FGF14: variants seen among roughly 807,000 people sequenced by gnomAD.
FGF14 encodes the protein fibroblast growth factor 14.
Under a neutral mutation model 25.5 loss-of-function variants are expected in FGF14, and 5 were observed. The observed-to-expected ratio is 0.20, with a 90% CI of 0.10 to 0.41. The LOEUF (loss-of-function observed/expected upper bound fraction) is 0.41. Ranked by LOEUF, FGF14 falls within the 10% of genes least tolerant of loss-of-function variation. FGF14 has a pLI of 1.00. For synonymous variants in FGF14, 138 were observed against 118.3 expected (o/e 1.17, Z -1.08); for missense variants, 222 against 320.1 (o/e 0.69, Z 2.34).
chr13:101,859,236 AG>A (rs1178668751), intron 3 of FGF14, among the ~76,000 whole-genome samples: 31 of 152,138 alleles, frequency 2.0e-4, no homozygotes, highest in African/African-American at 7.2e-4. Context: ...TTAATCAAGA[AG>A]TACAGATTAA....
intron 1 of FGF14, among the ~76,000 whole-genome samples, chr13:102,147,679 G>T (rs2046910128): frequency 6.6e-6 from 1 of 152,124 alleles, no homozygotes; most frequent in African/African-American, 2.4e-5. Context: ...CAGCACAGAA[G>T]CCCAGAGTCC....
intron 1 of FGF14, among the ~76,000 whole-genome samples, chr13:101,911,690 AAAAAC>A (rs762855627): frequency 2.6e-5 from 4 of 152,112 alleles, no homozygotes; most frequent in Admixed American, 2.0e-4. Flanking sequence ...GTCCCTTGTT[AAAAAC>A]AAAACAAAAC....
Position 101,715,579 on chromosome 13 carries a change from C to A in FGF14, c.*7252G>T, listed in dbSNP as rs1202954519. 6.2e-7 allele frequency: 1 copy of A among 1,612,010 alleles called. No individual in the cohort carries two copies. Among genetic ancestry groups the A allele is most frequent in the Non-Finnish European group, 8.5e-7 (1 of 1,178,330 alleles). On this transcript the variant is annotated 3_prime_UTR_variant, in exon 5 of 5. Coordinates refer to ENST00000376143, the MANE Select transcript of FGF14 (RefSeq NM_004115.4). ...TTATTGCAGGGAATGGAATATGTAG[C>A]TGTGGAAACTGTGAATGCTGGGATG...
intron 1 of FGF14, among the ~76,000 whole-genome samples, chr13:102,125,672 A>C (rs1380508621): frequency 6.6e-6 from 1 of 152,176 alleles, no homozygotes; most frequent in South Asian, 2.1e-4. Flanking sequence ...TTTGACAAAG[A>C]AGTAAGCACT....
chr13:102,075,260 T>C (rs760814141), intron 1 of FGF14, among the ~76,000 whole-genome samples: 1 of 152,216 alleles, frequency 6.6e-6, no homozygotes, highest in Non-Finnish European at 1.5e-5. Context: ...ATCAGTAGAA[T>C]TTCTATATGC....
intron 1 of FGF14, among the ~76,000 whole-genome samples, chr13:102,128,324 T>C (rs192044660): frequency 1.2e-4 from 16 of 136,778 alleles, no homozygotes; most frequent in Admixed American, 7.8e-4. Context: ...CAGGAAAGGT[T>C]AGCCATTCAG....
At chr13:102,179,573 T>G (rs1360006184) in intron 1 of FGF14, among the ~76,000 whole-genome samples, 3 of 152,092 alleles carry the variant, frequency 2.0e-5, no homozygotes, top group African/African-American at 7.2e-5. Context: ...CACCAGGCAC[T>G]CTCCAAAACA....
chr13:101,886,641 A>G (rs2046001897), intron 1 of FGF14, among the ~76,000 whole-genome samples: 1 of 152,188 alleles, frequency 6.6e-6, no homozygotes, highest in South Asian at 2.1e-4. Context: ...CTGAGCAAGA[A>G]TTTTGGGGTT....
chr13:102,314,971 CATT>C (rs1290773066), intron 1 of FGF14, among the ~76,000 whole-genome samples: 2 of 148,748 alleles, frequency 1.3e-5, no homozygotes, highest in Non-Finnish European at 3.0e-5. Flanking sequence ...ATAACATATA[CATT>C]ATTATAAATA....
At chr13:102,222,765 C>T (rs2140962370) in intron 1 of FGF14, among the ~76,000 whole-genome samples, 1 of 152,238 alleles carries the variant, frequency 6.6e-6, no homozygotes, top group Non-Finnish European at 1.5e-5. Context: ...GGTTATCCTG[C>T]TCATTCTTCA....
chr13:102,104,546 C>T (rs2044811933), intron 1 of FGF14, among the ~76,000 whole-genome samples: 2 of 152,252 alleles, frequency 1.3e-5, no homozygotes, highest in Middle Eastern at 3.4e-3. Flanking sequence ...AAGGCTGAGA[C>T]AGGTGGATCA....
chr13:102,140,548 G>A (rs1468996018), intron 1 of FGF14, among the ~76,000 whole-genome samples: 1 of 152,174 alleles, frequency 6.6e-6, no homozygotes, highest in African/African-American at 2.4e-5. Flanking sequence ...AGGAAGTCCA[G>A]TGTGCATGTG....
chr13:102,179,700 T>C (rs1373479230), intron 1 of FGF14, among the ~76,000 whole-genome samples: 1 of 152,164 alleles, frequency 6.6e-6, no homozygotes, highest in Non-Finnish European at 1.5e-5. Context: ...GTATGTTGGT[T>C]CCAAAGACCA....
Position 102,381,721 on chromosome 13 carries a change from T to G in FGF14, c.208+19750A>C, listed in dbSNP as rs529136864. 9.2e-5 allele frequency among the ~76,000 whole-genome samples: 14 copies of G among 152,332 alleles called. No homozygotes were observed. In the East Asian group the frequency reaches 2.7e-3, roughly 29 times the overall value. On this transcript the variant is annotated intron_variant, in intron 1 of 4. Coordinates refer to the FGF14 transcript ENST00000376131. ...GTTCTAAGTAAAGCTATAGTAAAAG[T>G]AGGCATGCATTGTTAGAAAAAATGT... is the stretch of plus-strand genomic sequence containing the variant.
chr13:102,154,837 A>G (rs950910375), intron 1 of FGF14, among the ~76,000 whole-genome samples: 6 of 149,458 alleles, frequency 4.0e-5, no homozygotes, highest in Non-Finnish European at 8.9e-5. Flanking sequence ...AAGCAAATGG[A>G]AAAAAAAAAG....
chr13:102,104,940 A>C (rs1198467448), intron 1 of FGF14, among the ~76,000 whole-genome samples: 1 of 152,174 alleles, frequency 6.6e-6, no homozygotes, highest in African/African-American at 2.4e-5. Context: ...AGATTAAATT[A>C]AGAATAAAAC....
chr13:102,195,279 A>G (rs1380625136), intron 1 of FGF14, among the ~76,000 whole-genome samples: 1 of 152,156 alleles, frequency 6.6e-6, no homozygotes. Context: ...GTAACTATAC[A>G]AATCAACAAC....
At chr13:101,945,630 A>T (rs963764316) in intron 1 of FGF14, among the ~76,000 whole-genome samples, 1 of 152,082 alleles carries the variant, frequency 6.6e-6, no homozygotes, top group African/African-American at 2.4e-5. Flanking sequence ...TATTACAAAC[A>T]CTGCCTCAGC....
intron 3 of FGF14, among the ~76,000 whole-genome samples, chr13:101,734,709 A>G (rs2036055621): frequency 6.6e-6 from 1 of 152,178 alleles, no homozygotes. Context: ...TACACACTAC[A>G]TAATACACTA....
Sources: allele counts gnomAD v4.1 joint callset (sites outside exome capture counted in the v4.1 genomes callset), GRCh38; gene constraint gnomAD v4.1.1; transcripts MANE v1.5; gene names NCBI Gene and HGNC (gene_info 2026-07-23, HGNC 2026-07-21).